Variants in KAT6B observed in about 807,000 individuals in gnomAD.
The protein encoded by KAT6B is histone acetyltransferase KAT6B.
A neutral mutation model predicts 187.5 loss-of-function variants in KAT6B; 10 were observed. That is an observed-to-expected ratio of 0.05 (90% CI 0.03 to 0.09). KAT6B has a LOEUF of 0.09. KAT6B is among the 10% of genes least tolerant of loss of function. The pLI is 1.00. For synonymous variants in KAT6B, 861 were observed against 926.8 expected (o/e 0.93, Z 1.29); for missense variants, 1,952 against 2,558.9 (o/e 0.76, Z 5.12).
rs569459790 is a variant in KAT6B at position 74,898,120 on chromosome 10, A to G, written c.621+54642A>G. On this transcript the variant is annotated intron_variant, in intron 3 of 17. Coordinates refer to ENST00000287239, the MANE Select transcript of KAT6B (RefSeq NM_012330.4). ...ACAGCAACAAAGTGTTTATTGTAGA[A>G]TGTTTACTTTTTAAACAAACGTGAA... 9.2e-5 allele frequency among the ~76,000 whole-genome samples: 14 copies of G among 152,310 alleles called. No individual in the cohort carries two copies. In the East Asian group the frequency reaches 2.5e-3, roughly 27 times the overall value.
Position 75,029,051 on chromosome 10 carries a change from AGAG to A in KAT6B, c.4236_4238del (p.Glu1414del), listed in dbSNP as rs745314195. 22 of 1,614,012 alleles carry A rather than the reference AGAG, an allele frequency of 1.4e-5. No individual in the cohort carries two copies. The African/African-American group carries it at 1.9e-4, about 14-fold the overall frequency. ...ACTCTGCACGTTTGGATGATCACGA[AGAG>A]GAGGAGGAAGAGGATGAAGAGCCAT... On this transcript the variant is annotated inframe_deletion, in exon 18 of 18. Coordinates refer to ENST00000287239, the MANE Select transcript of KAT6B (RefSeq NM_012330.4). The surrounding 1 kb of genome is among the most constrained non-coding windows in gnomAD (Gnocchi z 6.2).
At chr10:74,902,625 A>G (rs990914674) in intron 3 of KAT6B, among the ~76,000 whole-genome samples, 2 of 152,220 alleles carry the variant, frequency 1.3e-5, no homozygotes, top group Non-Finnish European at 2.9e-5. Context: ...TACACAGTAA[A>G]CATCCCAAAA....
intron 10 of KAT6B, 111 bp from the exon 11 acceptor site, chr10:74,981,676 C>G: frequency 1.2e-6 from 1 of 839,256 alleles, no homozygotes; most frequent in Non-Finnish European, 2.0e-6. Context: ...ACCCAGCCTC[C>G]AATGTTATTA....
At chr10:75,002,173 A>G (rs1452584168) in intron 13 of KAT6B, among the ~76,000 whole-genome samples, 2 of 152,160 alleles carry the variant, frequency 1.3e-5, no homozygotes, top group Admixed American at 6.5e-5. Flanking sequence ...AAATTCTGTC[A>G]TATACATGAT....
At chr10:74,971,138 T>C (rs1308737776) in intron 6 of KAT6B, among the ~76,000 whole-genome samples, 3 of 152,218 alleles carry the variant, frequency 2.0e-5, no homozygotes, top group African/African-American at 7.2e-5. Flanking sequence ...TTCCTGGAGG[T>C]ATTTGATTTT....
intron 3 of KAT6B, among the ~76,000 whole-genome samples, chr10:74,911,262 C>CTT (rs1267094987): frequency 1.3e-5 from 2 of 150,134 alleles, no homozygotes; most frequent in African/African-American, 4.9e-5. Context: ...CCTTAGTCTA[C>CTT]TTTCTTTTTC....
chr10:74,936,655 T>C (rs1160842075), intron 3 of KAT6B, among the ~76,000 whole-genome samples: 1 of 152,206 alleles, frequency 6.6e-6, no homozygotes. Context: ...AATGGTGATT[T>C]AATATATCAA....
intron 13 of KAT6B, among the ~76,000 whole-genome samples, chr10:74,993,640 T>TC: frequency 6.6e-6 from 1 of 152,254 alleles, no homozygotes; most frequent in Middle Eastern, 3.2e-3. Context: ...TACTCCAGGA[T>TC]CACATGGAGT....
rs1369230616 is a variant in KAT6B, at chr10:74,843,313, G to A, written c.456G>A (p.Leu152=). ...TTNNPAFQQR[L]RLGAKRAVNN... Reference sequence around the variant, plus strand: ...ACAACCCAGCCTTTCAGCAGCGGCTGCGACTGGGGGCCAAACGCGCTGTGA... The same window carrying A: ...ACAACCCAGCCTTTCAGCAGCGGCTACGACTGGGGGCCAAACGCGCTGTGA... Residue 152 remains leucine, a synonymous_variant, in exon 3 of 18, where the codon CTG becomes CTA. Coordinates refer to ENST00000287239, the MANE Select transcript of KAT6B (RefSeq NM_012330.4). 6.2e-7 allele frequency: 1 copy of A among 1,613,552 alleles called. No individual in the cohort carries two copies. The highest frequency in any genetic ancestry group is 8.5e-7 in the Non-Finnish European group (1 of 1,179,816).
At chr10:74,968,132 C>T (rs1841602270) in intron 4 of KAT6B, among the ~76,000 whole-genome samples, 1 of 152,148 alleles carries the variant, frequency 6.6e-6, no homozygotes, top group Non-Finnish European at 1.5e-5. Context: ...GACCTCTCCC[C>T]TCCCCGCTTC....
At chr10:74,911,001 T>C (rs1847164313) in intron 3 of KAT6B, among the ~76,000 whole-genome samples, 1 of 152,200 alleles carries the variant, frequency 6.6e-6, no homozygotes, top group African/African-American at 2.4e-5. Flanking sequence ...TTAAAAAATG[T>C]ATTTTGAGAT....
intron 3 of KAT6B, among the ~76,000 whole-genome samples, chr10:74,876,233 G>A (rs766908426): frequency 1.3e-5 from 2 of 151,710 alleles, no homozygotes; most frequent in Non-Finnish European, 2.9e-5. Flanking sequence ...CACCCCTGCC[G>A]GCTTTTAAAC....
intron 3 of KAT6B, among the ~76,000 whole-genome samples, chr10:74,946,124 G>T (rs1423392209): frequency 6.6e-6 from 1 of 152,152 alleles, no homozygotes; most frequent in Non-Finnish European, 1.5e-5. Flanking sequence ...TAGATTTAGG[G>T]TTATTCAGAT....
intron 3 of KAT6B, among the ~76,000 whole-genome samples, chr10:74,854,374 A>G (rs1358982298): frequency 6.6e-6 from 1 of 152,240 alleles, no homozygotes; most frequent in African/African-American, 2.4e-5. Context: ...GCACTTTACC[A>G]GAGAAGTCTC....
At chr10:75,021,803 A>AC (rs1845424882) in intron 15 of KAT6B, 78 bp from the exon 16 acceptor site, 1 of 1,507,590 alleles carries the variant, frequency 6.6e-7, no homozygotes, top group East Asian at 2.3e-5. Context: ...ACTTAGAGAC[A>AC]CTTTGCCATT....
chr10:75,018,047 C>T (rs988877047), intron 13 of KAT6B, among the ~76,000 whole-genome samples: 7 of 152,180 alleles, frequency 4.6e-5, no homozygotes, highest in African/African-American at 1.7e-4. Flanking sequence ...GGGGTCCCTT[C>T]GGATAGTGGC....
In KAT6B at chr10:74,850,046, C is replaced by T. The variant is rs373228660; in HGVS notation, c.621+6568C>T. Among the ~76,000 whole-genome samples the T allele has an allele frequency of 1.4e-4, 21 of 151,970 alleles. No individual in the cohort carries two copies. In the East Asian group the frequency reaches 2.9e-3, roughly 21 times the overall value. ...CTCCGCCTTCCGGGTTCACGCCATT[C>T]TCCTGCCTCAGCCTCCTGAGTAGCT... On this transcript the variant is annotated intron_variant, in intron 3 of 17. Coordinates refer to ENST00000287239, the MANE Select transcript of KAT6B (RefSeq NM_012330.4).
intron 13 of KAT6B, among the ~76,000 whole-genome samples, chr10:75,007,669 T>G (rs772989788): frequency 6.6e-6 from 1 of 152,196 alleles, no homozygotes; most frequent in Non-Finnish European, 1.5e-5. Flanking sequence ...CAAGGACAGT[T>G]GCCTTATAAT....
At chr10:75,000,953 C>T (rs978790910) in intron 13 of KAT6B, among the ~76,000 whole-genome samples, 2 of 152,032 alleles carry the variant, frequency 1.3e-5, no homozygotes, top group Non-Finnish European at 2.9e-5. Context: ...GCAAATGGCC[C>T]AGTTTTGTGC....
Sources: allele counts gnomAD v4.1 joint callset (sites outside exome capture counted in the v4.1 genomes callset), GRCh38; gene constraint gnomAD v4.1.1; non-coding constraint Gnocchi (gnomAD v3.1); transcripts MANE v1.5; gene names NCBI Gene and HGNC (gene_info 2026-07-23, HGNC 2026-07-21).